The following LDLRAD4 variants were observed in gnomAD, a reference collection of about 807,000 sequenced individuals.
LDLRAD4 encodes the protein low density lipoprotein receptor class A domain containing 4, also known as low-density lipoprotein receptor class A domain-containing protein 4.
Under a neutral mutation model 17.0 loss-of-function variants are expected in LDLRAD4, and 5 were observed. That is an observed-to-expected ratio of 0.29 (90% CI 0.15 to 0.62). The LOEUF is 0.62. LDLRAD4 is among the 20% of genes least tolerant of loss of function. LDLRAD4 has a pLI of 0.84. For missense variants in LDLRAD4, 340 were observed against 424.7 expected (o/e 0.80, Z 1.75); for synonymous variants, 168 against 171.8 (o/e 0.98, Z 0.17).
chr18:13,425,828 A>G (rs1339451215), intron 2 of LDLRAD4: 3 of 152,522 alleles, frequency 2.0e-5, no homozygotes, highest in African/African-American at 2.4e-5. Context: ...GGCATCAGTG[A>G]ATGAGTCTGT....
chr18:13,317,828 A>G (rs1278512768), intron 1 of LDLRAD4, among the ~76,000 whole-genome samples: 1 of 152,164 alleles, frequency 6.6e-6, no homozygotes, highest in Non-Finnish European at 1.5e-5. Flanking sequence ...GTTTATTTCT[A>G]TTTTTGTATT....
At chr18:13,345,403 G>T (rs1328432406) in intron 1 of LDLRAD4, among the ~76,000 whole-genome samples, 1 of 152,168 alleles carries the variant, frequency 6.6e-6, no homozygotes, top group Non-Finnish European at 1.5e-5. Flanking sequence ...TGTGTATGTT[G>T]AACCAGCCTT....
chr18:13,321,968 T>C (rs998408875), intron 1 of LDLRAD4, among the ~76,000 whole-genome samples: 5 of 148,126 alleles, frequency 3.4e-5, no homozygotes, highest in African/African-American at 1.2e-4. Flanking sequence ...CAGAAAGCAA[T>C]TGAAAGCCAG....
intron 1 of LDLRAD4, among the ~76,000 whole-genome samples, chr18:13,349,184 C>G (rs1416703174): frequency 6.6e-6 from 1 of 152,196 alleles, no homozygotes; most frequent in African/African-American, 2.4e-5. Flanking sequence ...GAGCTGTAGA[C>G]TGGAGCTGTT....
At chr18:13,226,180 C>CTTGTTTTTTT (rs2041781438) in intron 1 of LDLRAD4, among the ~76,000 whole-genome samples, 1 of 52,188 alleles carries the variant, frequency 1.9e-5, no homozygotes, top group Non-Finnish European at 3.3e-5. Flanking sequence ...CCATGCCTTG[C>CTTGTTTTTTT]TTTTTTTTTT....
intron 1 of LDLRAD4, among the ~76,000 whole-genome samples, chr18:13,320,394 A>G (rs2081154522): frequency 6.6e-6 from 1 of 152,160 alleles, no homozygotes. Flanking sequence ...ACACATTGAA[A>G]AGTCATCCTT....
In LDLRAD4 at chr18:13,367,367, A is replaced by G. The variant is rs2084134197; in HGVS notation, c.-382-19974A>G. On this transcript the variant is annotated intron_variant, in intron 1 of 5. Coordinates refer to ENST00000359446, the Ensembl canonical transcript of LDLRAD4. This position sits in a 1 kb window ranked among gnomAD's most constrained non-coding sequence, Gnocchi z 4.1. ...GGGAGATGAGGTCCCGCTGTGCAGA[A>G]CACACGGGGACTGGCAGGCAGGAAA... Among the ~76,000 whole-genome samples the G allele has an allele frequency of 6.6e-6, 1 of 152,176 alleles. No individual in the cohort carries two copies.
At chr18:13,603,723 C>T (rs1296218410) in intron 3 of LDLRAD4, among the ~76,000 whole-genome samples, 1 of 152,224 alleles carries the variant, frequency 6.6e-6, no homozygotes, top group East Asian at 1.9e-4. Context: ...GCAGCACATC[C>T]GTCACTGGTG....
intron 1 of LDLRAD4, among the ~76,000 whole-genome samples, chr18:13,262,785 C>T (rs71353258): frequency 3.8e-5 from 3 of 78,816 alleles, no homozygotes; most frequent in Non-Finnish European, 6.6e-5. Context: ...GAGTCCCGTG[C>T]GGCTCTGTGC....
chr18:13,303,765 C>T (rs778008805), intron 1 of LDLRAD4, among the ~76,000 whole-genome samples: 6 of 152,150 alleles, frequency 3.9e-5, no homozygotes, highest in Admixed American at 1.3e-4. Flanking sequence ...TAGAACAGAA[C>T]CCTCTTAGGA....
intron 3 of LDLRAD4, among the ~76,000 whole-genome samples, chr18:13,608,443 C>T (rs2095245773): frequency 6.6e-6 from 1 of 152,116 alleles, no homozygotes; most frequent in African/African-American, 2.4e-5. Context: ...TTAGAGATGA[C>T]AGTTACAGAT....
chr18:13,509,518 T>G (rs1293166699), intron 3 of LDLRAD4, among the ~76,000 whole-genome samples: 1 of 152,228 alleles, frequency 6.6e-6, no homozygotes, highest in African/African-American at 2.4e-5. Flanking sequence ...AAGGAGTTGC[T>G]TCTTATGGAT....
intron 3 of LDLRAD4, chr18:13,562,789 G>A (rs1218526179): frequency 6.6e-6 from 1 of 152,278 alleles, no homozygotes; most frequent in Non-Finnish European, 1.5e-5. Context: ...TGTGAGCTCT[G>A]GGCTGGCGCC....
chr18:13,257,070 A>G (rs2043546093), intron 1 of LDLRAD4, among the ~76,000 whole-genome samples: 1 of 152,230 alleles, frequency 6.6e-6, no homozygotes, highest in Admixed American at 6.5e-5. Flanking sequence ...AGAGCTGTTT[A>G]TGAGCTGTCA....
intron 3 of LDLRAD4, among the ~76,000 whole-genome samples, chr18:13,508,587 A>C (rs2093730442): frequency 6.6e-6 from 1 of 152,236 alleles, no homozygotes; most frequent in Non-Finnish European, 1.5e-5. Context: ...TGCTAAATCT[A>C]TGCTGCCTGT....
At chr18:13,343,324 C>G (rs2082489153) in intron 1 of LDLRAD4, among the ~76,000 whole-genome samples, 1 of 146,012 alleles carries the variant, frequency 6.8e-6, no homozygotes, top group Non-Finnish European at 1.5e-5. Flanking sequence ...TGAGTGAGAA[C>G]ATGTGGTGTT....
chr18:13,477,150 C>G (rs1394010447), intron 3 of LDLRAD4, among the ~76,000 whole-genome samples: 1 of 152,152 alleles, frequency 6.6e-6, no homozygotes, highest in East Asian at 1.9e-4. Flanking sequence ...GGATTGGGCC[C>G]TAATTTTCCC....
intron 1 of LDLRAD4, among the ~76,000 whole-genome samples, chr18:13,264,067 C>T (rs930081863): frequency 1.3e-5 from 2 of 152,200 alleles, no homozygotes; most frequent in Non-Finnish European, 2.9e-5. Flanking sequence ...TATGATGGAG[C>T]AGGGCAGGAC....
intron 1 of LDLRAD4, among the ~76,000 whole-genome samples, chr18:13,226,179 G>GTTTTTTTTTTT (rs1243883704): frequency 2.6e-4 from 3 of 11,474 alleles, no homozygotes; most frequent in Admixed American, 1.2e-3. Flanking sequence ...GCCATGCCTT[G>GTTTTTTTTTTT]CTTTTTTTTT....
Sources: gnomAD v4.1 joint callset for allele counts (sites outside exome capture counted in the v4.1 genomes callset) on GRCh38, gnomAD v4.1.1 for gene constraint, Gnocchi (gnomAD v3.1) non-coding constraint, MANE v1.5 for transcripts, NCBI Gene and HGNC (gene_info 2026-07-23, HGNC 2026-07-21) for gene names.